Variants in IKZF3 observed in about 807,000 individuals in gnomAD.
The protein encoded by IKZF3 is zinc finger protein Aiolos.
Under a neutral mutation model 49.0 loss-of-function variants are expected in IKZF3, and 10 were observed. That is an observed-to-expected ratio of 0.20 (90% CI 0.13 to 0.35). The LOEUF is 0.35. Among genes scored for constraint, IKZF3 ranks in the 10% least tolerant of loss-of-function variants. The probability of loss-of-function intolerance (pLI) is 1.00; values close to 1 mark genes in which losing one functional copy is unlikely to be tolerated. For synonymous variants in IKZF3, 209 were observed against 228.2 expected (o/e 0.92, Z 0.76); for missense variants, 498 against 664.8 (o/e 0.75, Z 2.76).
intron 7 of IKZF3, among the ~76,000 whole-genome samples, chr17:39,777,169 A>C (rs1173245854): frequency 6.6e-6 from 1 of 152,260 alleles, no homozygotes; most frequent in Admixed American, 6.5e-5. Flanking sequence ...CTTGTTATTT[A>C]AATCTATGTT....
intron 1 of IKZF3, among the ~76,000 whole-genome samples, chr17:39,852,915 G>C (rs1018807022): frequency 2.6e-5 from 4 of 152,078 alleles, no homozygotes; most frequent in African/African-American, 9.7e-5. Flanking sequence ...AGGTTGCAGT[G>C]AGCCAAGATC....
chr17:39,846,125 T>C (rs1208365835), intron 1 of IKZF3, among the ~76,000 whole-genome samples: 1 of 152,154 alleles, frequency 6.6e-6, no homozygotes, highest in African/African-American at 2.4e-5. Context: ...ATAACCAATC[T>C]CCTGATATGT....
At chr17:39,813,377 G>T (rs2061606288) in intron 3 of IKZF3, among the ~76,000 whole-genome samples, 1 of 151,984 alleles carries the variant, frequency 6.6e-6, no homozygotes, top group Admixed American at 6.5e-5. Context: ...AGGCACAGTG[G>T]CTCACACCTG....
chr17:39,810,519 C>A lies in IKZF3; in HGVS notation c.164-17586G>T, dbSNP rs112005599. On this transcript the variant is annotated intron_variant, in intron 3 of 7. Transcript: ENST00000346872. ...AGTCAGGAAATTTCTCTTTGAACTT[C>A]TATTTCCATTTCACTACCCCCATGG... Among the ~76,000 whole-genome samples, 969 of 150,882 alleles carry A rather than the reference C, an allele frequency of 6.4e-3. 10 individuals are homozygous for A. The highest frequency in any genetic ancestry group is 0.022 in the African/African-American group (897 of 41,180).
At chr17:39,847,752 C>T (rs1324857723) in intron 1 of IKZF3, among the ~76,000 whole-genome samples, 2 of 152,014 alleles carry the variant, frequency 1.3e-5, no homozygotes, top group Non-Finnish European at 2.9e-5. Context: ...ATTATTTTCC[C>T]CATTTTACAG....
At chr17:39,835,893 A>G in intron 1 of IKZF3, 1 of 645,566 alleles carries the variant, frequency 1.5e-6, no homozygotes, top group Non-Finnish European at 2.9e-6. Context: ...GAAGTCCTCC[A>G]CCAGCCCCTG....
At chr17:39,801,530 G>C (rs1203123349) in intron 3 of IKZF3, among the ~76,000 whole-genome samples, 1 of 152,186 alleles carries the variant, frequency 6.6e-6, no homozygotes, top group Admixed American at 6.5e-5. Context: ...TACAAAGTTT[G>C]TTACTGTCGC....
intron 3 of IKZF3, among the ~76,000 whole-genome samples, chr17:39,801,354 G>C (rs35284336): frequency 0.032 from 4,548 of 142,252 alleles, 230 homozygotes; most frequent in African/African-American, 0.11. Context: ...TAAAAGAAAG[G>C]GGGTGGGGGG....
At chr17:39,783,199 G>A (rs1294322289) in intron 6 of IKZF3, among the ~76,000 whole-genome samples, 2 of 152,224 alleles carry the variant, frequency 1.3e-5, no homozygotes, top group Non-Finnish European at 2.9e-5. Context: ...ACAAAGTGGT[G>A]TTATTATGCA....
intron 3 of IKZF3, 67 bp downstream of exon 3, chr17:39,829,320 T>C: frequency 9.2e-7 from 1 of 1,083,580 alleles, no homozygotes; most frequent in Non-Finnish European, 1.4e-6. Flanking sequence ...AGAGCTGATT[T>C]CTTCTCTACA....
chr17:39,823,887 T>C (rs1052320911), intron 3 of IKZF3, among the ~76,000 whole-genome samples: 3 of 152,242 alleles, frequency 2.0e-5, no homozygotes, highest in Non-Finnish European at 2.9e-5. Context: ...GGAGAACCTC[T>C]GCTAGGGCAG....
At chr17:39,826,231 C>T (rs780436872) in intron 3 of IKZF3, among the ~76,000 whole-genome samples, 8 of 152,166 alleles carry the variant, frequency 5.3e-5, no homozygotes, top group Admixed American at 2.0e-4. Flanking sequence ...TTTGTAGAGA[C>T]GAGGTCTCAC....
At chr17:39,830,403 C>T (rs545142613) in intron 2 of IKZF3, among the ~76,000 whole-genome samples, 2 of 152,136 alleles carry the variant, frequency 1.3e-5, no homozygotes, top group South Asian at 2.1e-4. Context: ...ATAAGAGAAG[C>T]CCACAACTCT....
intron 1 of IKZF3, among the ~76,000 whole-genome samples, chr17:39,852,785 C>G (rs1487938945): frequency 6.6e-6 from 1 of 152,134 alleles, no homozygotes; most frequent in East Asian, 1.9e-4. Flanking sequence ...GCCTGACCAA[C>G]AAGGTGAAAC....
At chr17:39,777,925 T>C in intron 6 of IKZF3, 158 bp from the exon 7 acceptor site, 1 of 1,358,016 alleles carries the variant, frequency 7.4e-7, no homozygotes, top group Non-Finnish European at 9.5e-7. Flanking sequence ...GTACCTGCTG[T>C]GGTCAGTGAA....
rs570944711 is a variant in IKZF3 at position 39,827,479 on chromosome 17, A to T, written c.163+1908T>A. Among the ~76,000 whole-genome samples the T allele has an allele frequency of 2.0e-5, 3 of 149,684 alleles. No individual in the cohort carries two copies. The East Asian group carries it at 5.9e-4, about 30-fold the overall frequency. On this transcript the variant is annotated intron_variant, in intron 3 of 7. Transcript: ENST00000346872. ...TGGCTAATTTATTTGTATTATTATA[A>T]TTTTTTTTTATAGAGATGAGGCCTC...
At chr17:39,798,702 T>C (rs1254076138) in intron 3 of IKZF3, among the ~76,000 whole-genome samples, 1 of 152,164 alleles carries the variant, frequency 6.6e-6, no homozygotes, top group Non-Finnish European at 1.5e-5. Context: ...AGACAGGGTT[T>C]CACTGTGTTA....
chr17:39,826,208 A>G, intron 3 of IKZF3, among the ~76,000 whole-genome samples: 1 of 152,108 alleles, frequency 6.6e-6, no homozygotes, highest in Non-Finnish European at 1.5e-5. Context: ...ATGCCTAGCT[A>G]ATTTTTAAAT....
intron 3 of IKZF3, among the ~76,000 whole-genome samples, chr17:39,818,820 C>T (rs1249159639): frequency 1.3e-5 from 2 of 152,088 alleles, no homozygotes; most frequent in South Asian, 4.2e-4. Context: ...CTCGCACCAC[C>T]GCACTCCAGC....
Sources: allele counts gnomAD v4.1 joint callset (sites outside exome capture counted in the v4.1 genomes callset), GRCh38; gene constraint gnomAD v4.1.1; transcripts MANE v1.5; gene names NCBI Gene and HGNC (gene_info 2026-07-23, HGNC 2026-07-21).